KPNA3: variants seen among roughly 807,000 people sequenced by gnomAD.
KPNA3 encodes karyopherin subunit alpha 3.
KPNA3 carries 13 observed loss-of-function variants against 73.8 expected under a neutral mutation model. That is an observed-to-expected ratio of 0.18 (90% CI 0.11 to 0.28). The LOEUF (loss-of-function observed/expected upper bound fraction) is 0.28. KPNA3 is among the 10% of genes least tolerant of loss of function. The pLI, the probability that KPNA3 is intolerant of heterozygous loss-of-function variation, is 1.00. For synonymous variants in KPNA3, 186 were observed against 206.9 expected (o/e 0.90, Z 0.87); for missense variants, 360 against 618.1 (o/e 0.58, Z 4.43).
Position 49,764,552 on chromosome 13 carries a change from C to T in KPNA3, c.70-17559G>A, listed in dbSNP as rs530913312. Among the ~76,000 whole-genome samples, 65 of 152,198 alleles carry T rather than the reference C, an allele frequency of 4.3e-4. 1 individual carries two copies. Among genetic ancestry groups the T allele is most frequent in the African/African-American group, 1.4e-3 (60 of 41,538 alleles). On this transcript the variant is annotated intron_variant, in intron 1 of 16. Transcript: ENST00000261667. ...AACTCCCTCAACTTCCTAACGTGCA[C>T]GTCCAAATCTCCTCCCCAATCCCAA...
intron 10 of KPNA3, among the ~76,000 whole-genome samples, chr13:49,716,395 C>T (rs1308693669): frequency 6.6e-6 from 1 of 152,050 alleles, no homozygotes; most frequent in Non-Finnish European, 1.5e-5. Flanking sequence ...ATTTTTTCCC[C>T]ACTATTTGTT....
chr13:49,706,219 T>C (rs1271545051), intron 13 of KPNA3, 49 bp downstream of exon 13: 1 of 1,610,644 alleles, frequency 6.2e-7, no homozygotes, highest in Non-Finnish European at 8.5e-7. Context: ...CCAAAAAGTC[T>C]TGGTTATTAA....
intron 1 of KPNA3, among the ~76,000 whole-genome samples, chr13:49,783,678 G>C (rs921567556): frequency 6.6e-6 from 1 of 152,132 alleles, no homozygotes; most frequent in African/African-American, 2.4e-5. Context: ...TATACACTTT[G>C]TAACTCCTTT....
chr13:49,737,983 CTT>C (rs1377038796), intron 2 of KPNA3, among the ~76,000 whole-genome samples: 2 of 152,100 alleles, frequency 1.3e-5, no homozygotes, highest in African/African-American at 2.4e-5. Context: ...AAATATAGCT[CTT>C]TGTCTCCAGA....
In KPNA3 at chr13:49,722,562, A is replaced by G. The variant is rs745576313; in HGVS notation, c.471T>C (p.Asn157=). The G allele has an allele frequency of 5.0e-6, 8 of 1,595,230 alleles. No individual in the cohort carries two copies. In the South Asian group the frequency reaches 7.9e-5, roughly 16 times the overall value. ...GAAGTCTCAGAAAAAGAGGTACTGC[A>G]TCTGTAATAAAGAAAAACTAATATT... ...SAQTQAVVQS[N]AVPLFLRLLR... Residue 157 remains asparagine, a splice_region_variant and synonymous_variant, in exon 8 of 17, where the codon AAT becomes AAC. Coordinates refer to ENST00000261667, the MANE Select transcript of KPNA3 (RefSeq NM_002267.4).
At chr13:49,732,269 A>G in intron 6 of KPNA3, 102 bp downstream of exon 6, 1 of 503,084 alleles carries the variant, frequency 2.0e-6, no homozygotes. Context: ...CGATTGAAAA[A>G]CATCATAAGT....
chr13:49,791,751 C>T (rs922778514), intron 1 of KPNA3, among the ~76,000 whole-genome samples: 2 of 152,260 alleles, frequency 1.3e-5, no homozygotes, highest in Non-Finnish European at 1.5e-5. Flanking sequence ...CTATTGTCCA[C>T]CTTCAGCTCG....
intron 1 of KPNA3, among the ~76,000 whole-genome samples, chr13:49,774,073 AT>A (rs11315833): frequency 0.048 from 7,027 of 145,892 alleles, 495 homozygotes; most frequent in African/African-American, 0.16. Flanking sequence ...ACCCAGGCTA[AT>A]TTTTTTTTTT....
At chr13:49,751,039 C>T (rs1954658558) in intron 1 of KPNA3, among the ~76,000 whole-genome samples, 1 of 152,010 alleles carries the variant, frequency 6.6e-6, no homozygotes, top group South Asian at 2.1e-4. Flanking sequence ...ATGTTAAGAT[C>T]TGTATCAAGA....
At chr13:49,756,359 G>A (rs1954711720) in intron 1 of KPNA3, among the ~76,000 whole-genome samples, 1 of 152,152 alleles carries the variant, frequency 6.6e-6, no homozygotes, top group South Asian at 2.1e-4. Context: ...GAGCCCAGGA[G>A]GTCAAGACCA....
intron 1 of KPNA3, among the ~76,000 whole-genome samples, chr13:49,774,222 T>C (rs1954878381): frequency 6.6e-6 from 1 of 152,068 alleles, no homozygotes; most frequent in African/African-American, 2.4e-5. Context: ...TTTTTCTTGA[T>C]ACAAGTCAGC....
chr13:49,758,686 A>ATATGTGTGTGTT (rs2137580200), intron 1 of KPNA3, among the ~76,000 whole-genome samples: 1 of 152,310 alleles, frequency 6.6e-6, no homozygotes, highest in South Asian at 2.1e-4. Flanking sequence ...TATATGCATT[A>ATATGTGTGTGTT]TATGTGTGTG....
intron 1 of KPNA3, among the ~76,000 whole-genome samples, chr13:49,756,860 T>C (rs758373982): frequency 5.3e-5 from 8 of 152,156 alleles, no homozygotes; most frequent in Non-Finnish European, 1.0e-4. Context: ...TGGAAGAATA[T>C]ACACATTGAA....
intron 1 of KPNA3, among the ~76,000 whole-genome samples, chr13:49,753,586 G>A (rs1374229175): frequency 6.6e-6 from 1 of 152,224 alleles, no homozygotes; most frequent in Non-Finnish European, 1.5e-5. Context: ...TATAAGGTAG[G>A]CCCAATCCCT....
rs569626252 is a variant in KPNA3 at position 49,728,079 on chromosome 13, C to T, written c.384-2578G>A. On this transcript the variant is annotated intron_variant, in intron 6 of 16. Coordinates refer to ENST00000261667, the MANE Select transcript of KPNA3 (RefSeq NM_002267.4). ...TGAAACCCCATCTCTATTAAAAATA[C>T]AAAAAGTCAGCCGGGCGTGGTGGCA... 5.9e-5 allele frequency among the ~76,000 whole-genome samples: 9 copies of T among 151,980 alleles called. No homozygotes were observed. The South Asian group carries it at 1.7e-3, about 28-fold the overall frequency.
intron 1 of KPNA3, among the ~76,000 whole-genome samples, chr13:49,748,005 G>A (rs979111538): frequency 7.2e-5 from 11 of 152,026 alleles, no homozygotes; most frequent in Non-Finnish European, 1.5e-4. Flanking sequence ...TGAATCTTAA[G>A]GAGAAAGGGA....
chr13:49,745,319 A>G (rs1594447301), intron 2 of KPNA3, among the ~76,000 whole-genome samples: 1 of 151,536 alleles, frequency 6.6e-6, no homozygotes, highest in East Asian at 1.9e-4. Context: ...CAGAATCAAG[A>G]CCTCCTTCCT....
chr13:49,703,820 T>C (rs1954175002), intron 15 of KPNA3, among the ~76,000 whole-genome samples: 1 of 152,170 alleles, frequency 6.6e-6, no homozygotes, highest in Non-Finnish European at 1.5e-5. Context: ...TATTTTAAAA[T>C]AGTTGCAATT....
intron 9 of KPNA3, among the ~76,000 whole-genome samples, 181 bp downstream of exon 9, chr13:49,721,774 C>T (rs1003566204): frequency 3.3e-5 from 5 of 152,090 alleles, no homozygotes; most frequent in African/African-American, 4.8e-5. Context: ...GAGCCAAGAT[C>T]GCGCCACTGC....
Sources: allele counts gnomAD v4.1 joint callset (sites outside exome capture counted in the v4.1 genomes callset), GRCh38; gene constraint gnomAD v4.1.1; transcripts MANE v1.5; gene names NCBI Gene and HGNC (gene_info 2026-07-23, HGNC 2026-07-21).